Variants in KIAA0753 observed in about 807,000 individuals in gnomAD.
KIAA0753 encodes the protein KIAA0753, also known as protein moonraker.
A neutral mutation model predicts 116.9 loss-of-function variants in KIAA0753; 114 were observed. That is an observed-to-expected ratio of 0.98 (90% CI 0.84 to 1.14). The LOEUF (loss-of-function observed/expected upper bound fraction) is 1.14. Ranked by LOEUF, KIAA0753 falls within the 50% of genes most tolerant of loss-of-function variation. KIAA0753 has a pLI of 0.00. For synonymous variants in KIAA0753, 405 were observed against 413.1 expected (o/e 0.98, Z 0.24); for missense variants, 1,156 against 1,172.4 (o/e 0.99, Z 0.20).
chr17:6,595,471 G>T (rs1969398826), intron 15 of KIAA0753, among the ~76,000 whole-genome samples: 1 of 151,710 alleles, frequency 6.6e-6, no homozygotes, highest in Non-Finnish European at 1.5e-5. Flanking sequence ...GTAAACTGCG[G>T]ATCTTTAAAC....
At position 6,618,793 on chromosome 17, in the gene KIAA0753, A is replaced by G. The variant is rs1182557246; in HGVS notation, c.1315+1995T>C. Among the ~76,000 whole-genome samples, 4 of 152,334 alleles carry G rather than the reference A, an allele frequency of 2.6e-5. No homozygotes were observed. The South Asian group carries it at 6.2e-4, about 24-fold the overall frequency. On this transcript the variant is annotated intron_variant, in intron 7 of 18. Coordinates refer to ENST00000361413, the MANE Select transcript of KIAA0753 (RefSeq NM_014804.3). ...AATCAATGAGAAAAAAAGAAATAAA[A>G]TATTGATTAATGTAGTAAATTACAA...
Position 6,589,967 on chromosome 17 carries a change from T to C in KIAA0753, c.2598A>G (p.Ser866=), listed in dbSNP as rs772055034. The part of the protein sequence containing the change: ...LDESVGTEEG[S]EKREAPLLSL... ...AGAGAAGAGGGGCCTCTCTTTTCTC[T>C]GATCCTTCCTCTGTTCCCACACTTT... The change falls in exon 18 of 19, where the codon TCA becomes TCG. Residue 866 remains serine, a synonymous_variant. Transcript: ENST00000361413. 1 of 1,593,228 alleles carries C rather than the reference T, an allele frequency of 6.3e-7. No homozygotes were observed. Among genetic ancestry groups the C allele is most frequent in the South Asian group, 1.1e-5 (1 of 87,716 alleles).
intron 8 of KIAA0753, among the ~76,000 whole-genome samples, chr17:6,611,520 ACTC>A (rs1419029848): frequency 1.3e-5 from 2 of 151,438 alleles, no homozygotes; most frequent in Admixed American, 6.6e-5. Flanking sequence ...CTGGTCTTAA[ACTC>A]CTGGCCTCAA....
intron 2 of KIAA0753, 166 bp downstream of exon 2, chr17:6,634,845 C>T (rs2150926186): frequency 1.8e-6 from 1 of 570,430 alleles, no homozygotes. Context: ...TGGGGTGATT[C>T]TGCAAAAATT....
chr17:6,611,079 T>C (rs776689274), intron 8 of KIAA0753, among the ~76,000 whole-genome samples: 2 of 152,182 alleles, frequency 1.3e-5, no homozygotes, highest in Non-Finnish European at 2.9e-5. Flanking sequence ...CCACCAAATG[T>C]CACTAATACA....
In KIAA0753 at chr17:6,634,138, T is replaced by A. The variant is rs1020147519; in HGVS notation, c.93+873A>T. On this transcript the variant is annotated intron_variant, in intron 2 of 18. Coordinates refer to ENST00000361413, the MANE Select transcript of KIAA0753 (RefSeq NM_014804.3). ...TCTTTTTTGAGATGGAGTCTCGCTC[T>A]GTCACCCAGGGTGGAGTGCAGTGGC... Among the ~76,000 whole-genome samples the A allele has an allele frequency of 2.7e-5, 4 of 150,446 alleles. No homozygotes were observed. The Admixed American group carries it at 2.7e-4, about 10-fold the overall frequency.
At chr17:6,615,671 A>ACTCC (rs1240980200) in intron 7 of KIAA0753, among the ~76,000 whole-genome samples, 1 of 149,820 alleles carries the variant, frequency 6.7e-6, no homozygotes, top group Admixed American at 6.7e-5. Flanking sequence ...AATTTATTTA[A>ACTCC]CTCCCAAGCT....
At chr17:6,619,819 C>G (rs1031556443) in intron 7 of KIAA0753, among the ~76,000 whole-genome samples, 11 of 152,154 alleles carry the variant, frequency 7.2e-5, no homozygotes, top group African/African-American at 2.7e-4. Context: ...TCTCATCTAT[C>G]TAGAGAAATA....
intron 12 of KIAA0753, 114 bp from the exon 13 acceptor site, chr17:6,600,572 C>A: frequency 2.8e-6 from 2 of 708,556 alleles, no homozygotes; most frequent in Middle Eastern, 3.8e-4. Flanking sequence ...CTTCTCTAAC[C>A]GTTCATGGCC....
At chr17:6,593,294 G>A (rs1969209395) in intron 16 of KIAA0753, among the ~76,000 whole-genome samples, 2 of 152,206 alleles carry the variant, frequency 1.3e-5, no homozygotes, top group South Asian at 2.1e-4. Flanking sequence ...CTAGCACTTC[G>A]GGAGGCCGGG....
intron 14 of KIAA0753, among the ~76,000 whole-genome samples, chr17:6,596,777 T>C (rs1453396444): frequency 6.6e-6 from 1 of 152,218 alleles, no homozygotes; most frequent in African/African-American, 2.4e-5. Context: ...AGTTCAGGAT[T>C]CTTTGTCTTT....
At chr17:6,592,844 T>A (rs1160459772) in intron 16 of KIAA0753, among the ~76,000 whole-genome samples, 1 of 151,934 alleles carries the variant, frequency 6.6e-6, no homozygotes, top group African/African-American at 2.4e-5. Context: ...CTGTTCATAA[T>A]AAAACATTTT....
intron 2 of KIAA0753, among the ~76,000 whole-genome samples, chr17:6,634,099 T>TA (rs1209154403): frequency 6.7e-6 from 1 of 150,032 alleles, no homozygotes; most frequent in Middle Eastern, 3.2e-3. Flanking sequence ...TGAATTCTTT[T>TA]TTTTTTTTTT....
intron 14 of KIAA0753, among the ~76,000 whole-genome samples, chr17:6,598,125 A>G (rs1357504521): frequency 1.3e-5 from 2 of 152,200 alleles, no homozygotes; most frequent in Non-Finnish European, 2.9e-5. Context: ...AAACATGTCT[A>G]TTTCACTGCC....
At chr17:6,609,729 C>T (rs776888169) in intron 9 of KIAA0753, among the ~76,000 whole-genome samples, 1 of 152,142 alleles carries the variant, frequency 6.6e-6, no homozygotes, top group Non-Finnish European at 1.5e-5. Flanking sequence ...TGAAGGGAAG[C>T]CCCCCATCTT....
chr17:6,608,388 C>T lies in KIAA0753; in HGVS notation c.1789G>A (p.Glu597Lys). ...EPLQQEDPQEESHLTGAVEHE... is the reference protein window; with the variant it reads ...EPLQQEDPQEKSHLTGAVEHE... The stretch of plus-strand genomic sequence containing the variant: ...TCAACAGCACCTGTCAGGTGACTTT[C>T]CTCTTGAGGATCTTCTTGCTGGAGA... The change falls in exon 10 of 19, where the codon GAA (glutamate) becomes AAA (lysine). Residue 597 changes from glutamate to lysine, a missense_variant. Coordinates refer to ENST00000361413, the MANE Select transcript of KIAA0753 (RefSeq NM_014804.3). The T allele has an allele frequency of 6.4e-7, 1 of 1,558,338 alleles. No individual in the cohort carries two copies. The highest frequency in any genetic ancestry group is 8.7e-7 in the Non-Finnish European group (1 of 1,146,904).
Position 6,579,756 on chromosome 17 carries a change from A to T in KIAA0753, c.2895T>A (p.Ala965=). ...EAVFTSEFLE[A]AT ...TCGCCTCAGAGAGCCTTTATGTAGC[A>T]GCCTCTAAGAATTCTGAGGTGAACA... The change falls in exon 19 of 19, where the codon GCT becomes GCA. Residue 965 remains alanine (A), a synonymous_variant. Coordinates refer to ENST00000361413, the MANE Select transcript of KIAA0753 (RefSeq NM_014804.3). 2.5e-6 allele frequency: 4 copies of T among 1,611,510 alleles called. 1 individual carries two copies. The highest frequency in any genetic ancestry group is 2.7e-5 in the African/African-American group (2 of 75,034).
At chr17:6,633,232 G>A (rs1972110816) in intron 2 of KIAA0753, among the ~76,000 whole-genome samples, 2 of 152,218 alleles carry the variant, frequency 1.3e-5, no homozygotes, top group Admixed American at 1.3e-4. Context: ...GTTAGCATTT[G>A]AGGAATCTGG....
At chr17:6,599,522 C>T (rs1969709317) in intron 13 of KIAA0753, among the ~76,000 whole-genome samples, 1 of 151,088 alleles carries the variant, frequency 6.6e-6, no homozygotes. Flanking sequence ...CTTTTTCTTC[C>T]CTCAACTCTG....
Sources: gnomAD v4.1 joint callset for allele counts (sites outside exome capture counted in the v4.1 genomes callset) on GRCh38, gnomAD v4.1.1 for gene constraint, MANE v1.5 for transcripts, NCBI Gene and HGNC (gene_info 2026-07-23, HGNC 2026-07-21) for gene names.